The following EGFLAM variants were observed in gnomAD, a reference collection of about 807,000 sequenced individuals.
EGFLAM encodes the protein EGF like, fibronectin type III and laminin G domains, also known as pikachurin.
EGFLAM carries 79 observed loss-of-function variants against 113.1 expected under a neutral mutation model. The ratio of observed to expected loss-of-function variants is 0.70; its 90% CI spans 0.58 to 0.84. EGFLAM has a LOEUF of 0.84. Among genes scored for constraint, EGFLAM ranks in the 40% least tolerant of loss-of-function variants. The pLI is 0.00. For missense variants in EGFLAM, 1,265 were observed against 1,291.6 expected, an observed-to-expected ratio of 0.98 and a Z score of 0.32; for synonymous variants, 504 against 487.6, an observed-to-expected ratio of 1.03 and a Z score of -0.44.
chr5:38,357,633 C>G (rs1739797236), intron 5 of EGFLAM, among the ~76,000 whole-genome samples: 1 of 152,158 alleles, frequency 6.6e-6, no homozygotes, highest in South Asian at 2.1e-4. Flanking sequence ...AGGGGCAGGA[C>G]TCTGGCAGGC....
At chr5:38,398,685 T>C (rs537558473) in intron 6 of EGFLAM, among the ~76,000 whole-genome samples, 22 of 152,292 alleles carry the variant, frequency 1.4e-4, no homozygotes, top group Admixed American at 8.5e-4. Context: ...AAGGAATACA[T>C]TGGTGAGAGA....
At chr5:38,394,997 G>A (rs1346348968) in intron 6 of EGFLAM, among the ~76,000 whole-genome samples, 1 of 151,922 alleles carries the variant, frequency 6.6e-6, no homozygotes, top group Non-Finnish European at 1.5e-5. Flanking sequence ...TGGGAGTGCA[G>A]TGGCACGATC....
intron 1 of EGFLAM, among the ~76,000 whole-genome samples, chr5:38,324,044 A>C (rs540025722): frequency 2.6e-5 from 1 of 38,232 alleles, no homozygotes; most frequent in African/African-American, 2.1e-4. Flanking sequence ...CATCTCAAAC[A>C]AAAAAAAAAA....
At chr5:38,323,623 T>G (rs148161410) in intron 1 of EGFLAM, among the ~76,000 whole-genome samples, 1 of 152,220 alleles carries the variant, frequency 6.6e-6, no homozygotes, top group African/African-American at 2.4e-5. Flanking sequence ...ATATTGCTTG[T>G]CTCACACATA....
Position 38,448,353 on chromosome 5 carries a change from G to A in EGFLAM, c.2517G>A (p.Thr839=), listed in dbSNP as rs770683635. ...AGTTTATCGGCCGCAGTTACCTGAC[G>A]TATGACAACCCAGATATCTTGAAGA... is the stretch of plus-strand genomic sequence containing the variant. ...IPQFIGRSYL[T]YDNPDILKRV... Residue 839 remains threonine (T), a synonymous_variant, in exon 18 of 22, where the codon ACG becomes ACA. Coordinates refer to ENST00000322350, the MANE Select transcript of EGFLAM (RefSeq NM_152403.4). 77 of 1,614,010 alleles carry A rather than the reference G, an allele frequency of 4.8e-5. No homozygotes were observed. The highest frequency in any genetic ancestry group is 5.7e-5 in the Non-Finnish European group (67 of 1,180,044).
At chr5:38,457,490 A>G (rs1270001468) in intron 19 of EGFLAM, among the ~76,000 whole-genome samples, 1 of 152,072 alleles carries the variant, frequency 6.6e-6, no homozygotes, top group Admixed American at 6.5e-5. Flanking sequence ...CCCTGCCTCC[A>G]GTTTCCCATG....
chr5:38,352,081 G>A lies in EGFLAM; in HGVS notation c.410-115G>A, dbSNP rs1337711543. On this transcript the variant is annotated intron_variant, in intron 4 of 21. Transcript: ENST00000322350. Reference sequence around the variant, plus strand: ...TTTGGGTATAGGAAGCACTCGAGCTGTTTATGTATTATATTAAACGTCTCC... The same window carrying A: ...TTTGGGTATAGGAAGCACTCGAGCTATTTATGTATTATATTAAACGTCTCC... The A allele has an allele frequency of 2.7e-6, 4 of 1,469,316 alleles. No homozygotes were observed. In the East Asian group the frequency reaches 6.9e-5, roughly 25 times the overall value. 91.0% of individuals were successfully genotyped at this position (1,469,316 alleles called of 1,614,324 possible). A position where few individuals can be genotyped will look rare whatever the true frequency, so the allele number is the denominator to read the frequency against.
intron 6 of EGFLAM, among the ~76,000 whole-genome samples, chr5:38,399,293 T>TTTTTTC (rs1284710100): frequency 6.8e-6 from 1 of 146,210 alleles, no homozygotes; most frequent in Non-Finnish European, 1.5e-5. Flanking sequence ...TTTTTTTTTT[T>TTTTTTC]TTGAGATGGA....
intron 1 of EGFLAM, among the ~76,000 whole-genome samples, chr5:38,301,521 A>G (rs1304664671): frequency 1.3e-5 from 2 of 152,116 alleles, no homozygotes; most frequent in East Asian, 3.9e-4. Context: ...TGGTTGCTGG[A>G]AAGAGGATAA....
At chr5:38,430,793 G>A (rs1742163743) in intron 14 of EGFLAM, among the ~76,000 whole-genome samples, 1 of 152,172 alleles carries the variant, frequency 6.6e-6, no homozygotes, top group African/African-American at 2.4e-5. Context: ...CTGAGAACCA[G>A]AGAGCCCATG....
At chr5:38,285,295 A>G (rs10040077) in intron 1 of EGFLAM, among the ~76,000 whole-genome samples, 25,043 of 152,144 alleles carry the variant, frequency 0.16, 2,607 homozygotes, top group African/African-American at 0.28. Context: ...AATGACCTTT[A>G]TGGAGTTATT....
At chr5:38,373,021 C>T (rs1028392659) in intron 6 of EGFLAM, among the ~76,000 whole-genome samples, 4 of 151,112 alleles carry the variant, frequency 2.6e-5, no homozygotes, top group African/African-American at 9.7e-5. Context: ...TTTAATTTAA[C>T]AAATTAACAA....
At chr5:38,344,482 T>G (rs2111966656) in intron 3 of EGFLAM, among the ~76,000 whole-genome samples, 1 of 40,350 alleles carries the variant, frequency 2.5e-5, no homozygotes, top group East Asian at 4.6e-4. Context: ...AAACTCTGTT[T>G]CAAAAAAAAA....
At chr5:38,390,410 T>G (rs1740779417) in intron 6 of EGFLAM, among the ~76,000 whole-genome samples, 1 of 152,218 alleles carries the variant, frequency 6.6e-6, no homozygotes, top group Non-Finnish European at 1.5e-5. Context: ...TAGTTGGACA[T>G]TTAAGTTGCT....
intron 3 of EGFLAM, among the ~76,000 whole-genome samples, chr5:38,350,003 A>T (rs1439443432): frequency 6.6e-6 from 1 of 151,938 alleles, no homozygotes; most frequent in African/African-American, 2.4e-5. Context: ...ACACACAGAC[A>T]TACTTTTAAG....
chr5:38,331,089 G>T (rs978800587), intron 1 of EGFLAM, among the ~76,000 whole-genome samples: 11 of 152,088 alleles, frequency 7.2e-5, no homozygotes, highest in African/African-American at 2.7e-4. Context: ...ATTTGCCAAG[G>T]TTTTAAAAGA....
At chr5:38,323,997 G>A (rs533446769) in intron 1 of EGFLAM, among the ~76,000 whole-genome samples, 7 of 144,124 alleles carry the variant, frequency 4.9e-5, no homozygotes, top group Admixed American at 1.4e-4. Context: ...AACTGAGATC[G>A]TGCCACTACT....
chr5:38,395,841 C>T (rs1422501393), intron 6 of EGFLAM, among the ~76,000 whole-genome samples: 1 of 152,146 alleles, frequency 6.6e-6, no homozygotes, highest in Non-Finnish European at 1.5e-5. Context: ...AACTGGAGAC[C>T]ATACTATGTA....
At chr5:38,368,178 A>G (rs1184453718) in intron 5 of EGFLAM, among the ~76,000 whole-genome samples, 3 of 152,132 alleles carry the variant, frequency 2.0e-5, no homozygotes, top group Non-Finnish European at 4.4e-5. Context: ...ATCTTTTCTG[A>G]CTTTACTTTT....
Sources: allele counts gnomAD v4.1 joint callset (sites outside exome capture counted in the v4.1 genomes callset), GRCh38; gene constraint gnomAD v4.1.1; transcripts MANE v1.5; gene names NCBI Gene and HGNC (gene_info 2026-07-23, HGNC 2026-07-21).